Variants in TIAM1 observed in about 807,000 individuals in gnomAD.
The protein encoded by TIAM1 is TIAM Rac1 associated GEF 1, also known as rho guanine nucleotide exchange factor TIAM1.
A neutral mutation model predicts 163.5 loss-of-function variants in TIAM1; 65 were observed. The observed-to-expected ratio is 0.40, with a 90% confidence interval of 0.33 to 0.49. TIAM1 has a LOEUF of 0.49. Among genes scored for constraint, TIAM1 ranks in the 20% least tolerant of loss-of-function variants. TIAM1 has a pLI of 0.77. For synonymous variants in TIAM1, 833 were observed against 810.1 expected (o/e 1.03, Z -0.48); for missense variants, 1,789 against 2,044.7 (o/e 0.87, Z 2.41).
At chr21:31,124,489 CGGGAATCTT>C (rs768318634) in intron 27 of TIAM1, 24 bp downstream of exon 27, 19 of 1,609,608 alleles carry the variant, frequency 1.2e-5, no homozygotes, top group Non-Finnish European at 1.5e-5. Flanking sequence ...GTGGGGGTGA[CGGGAATCTT>C]GAACGTCCGA....
intron 2 of TIAM1, among the ~76,000 whole-genome samples, chr21:31,412,591 G>A (rs1172741875): frequency 6.6e-6 from 1 of 151,932 alleles, no homozygotes; most frequent in Non-Finnish European, 1.5e-5. Context: ...AGACCAACCT[G>A]GCCAACATGG....
chr21:31,445,532 CCAATT>C (rs2044591204), intron 2 of TIAM1, among the ~76,000 whole-genome samples: 1 of 152,100 alleles, frequency 6.6e-6, no homozygotes, highest in Non-Finnish European at 1.5e-5. Context: ...TCTATTAATT[CCAATT>C]AATAGGGACA....
At chr21:31,517,449 C>T (rs1490700506) in intron 1 of TIAM1, among the ~76,000 whole-genome samples, 1 of 152,236 alleles carries the variant, frequency 6.6e-6, no homozygotes, top group East Asian at 1.9e-4. Context: ...TATGATTACT[C>T]ATTGTGGAAG....
At chr21:31,364,786 G>C (rs1388587082) in intron 2 of TIAM1, among the ~76,000 whole-genome samples, 3 of 152,160 alleles carry the variant, frequency 2.0e-5, no homozygotes, top group Non-Finnish European at 4.4e-5. Flanking sequence ...GGTGTGTGTT[G>C]ATGGGGGAGG....
At chr21:31,315,192 G>A (rs901219512) in intron 2 of TIAM1, among the ~76,000 whole-genome samples, 6 of 152,022 alleles carry the variant, frequency 3.9e-5, no homozygotes, top group Admixed American at 2.0e-4. Context: ...CCAACATGGT[G>A]AAACTCCATC....
chr21:31,413,913 G>A (rs1017992537), intron 2 of TIAM1, among the ~76,000 whole-genome samples: 6 of 152,132 alleles, frequency 3.9e-5, no homozygotes, highest in African/African-American at 9.7e-5. Context: ...CTGGGGTTAC[G>A]TCACCTGCAC....
At chr21:31,216,468 G>A (rs115924874) in intron 9 of TIAM1, among the ~76,000 whole-genome samples, 13 of 152,078 alleles carry the variant, frequency 8.5e-5, no homozygotes, top group East Asian at 5.8e-4. Context: ...TTCTTCTTCC[G>A]AAAGACTACA....
chr21:31,274,166 G>A (rs1435973025), intron 3 of TIAM1, among the ~76,000 whole-genome samples: 4 of 152,076 alleles, frequency 2.6e-5, no homozygotes, highest in Admixed American at 1.3e-4. Flanking sequence ...AGTGAGCCAA[G>A]ATCGTGCCAC....
rs149554942 is a variant in TIAM1 at position 31,213,189 on chromosome 21, G to A, written c.2217+209C>T. On this transcript the variant is annotated intron_variant, in intron 10 of 27. Transcript: ENST00000541036. Reference sequence around the variant, plus strand: ...AAATGGTAAGTATGGGAAATGTTATGTCAGCAGGAGAATGTTCCCTCTACC... The same window carrying A: ...AAATGGTAAGTATGGGAAATGTTATATCAGCAGGAGAATGTTCCCTCTACC... 1.2e-4 allele frequency: 58 copies of A among 487,592 alleles called. 1 individual carries two copies. In the East Asian group the frequency reaches 2.1e-3, roughly 18 times the overall value. 30.2% of individuals were successfully genotyped at this position (487,592 alleles called of 1,614,324 possible).
chr21:31,505,906 G>T (rs1043611444), intron 1 of TIAM1, among the ~76,000 whole-genome samples: 1 of 151,400 alleles, frequency 6.6e-6, no homozygotes, highest in Admixed American at 6.6e-5. Context: ...CTACTTGGGA[G>T]GCTGAGGCAG....
At chr21:31,421,139 A>AG (rs540713224) in intron 2 of TIAM1, among the ~76,000 whole-genome samples, 238 of 150,954 alleles carry the variant, frequency 1.6e-3, no homozygotes, top group African/African-American at 5.4e-3. Context: ...TTAAAAAAAA[A>AG]AAAGAAAAGA....
At chr21:31,497,148 C>G (rs1212975745) in intron 1 of TIAM1, among the ~76,000 whole-genome samples, 4 of 152,176 alleles carry the variant, frequency 2.6e-5, no homozygotes, top group Non-Finnish European at 5.9e-5. Context: ...GGCTATCATC[C>G]AGCGTAGGTG....
intron 25 of TIAM1, among the ~76,000 whole-genome samples, chr21:31,127,985 C>G (rs2082274427): frequency 6.6e-6 from 1 of 152,120 alleles, no homozygotes; most frequent in African/African-American, 2.4e-5. Context: ...AATGGTATAT[C>G]AAGAAGGTAA....
At chr21:31,214,013 C>T (rs747256947) in intron 9 of TIAM1, among the ~76,000 whole-genome samples, 3 of 151,682 alleles carry the variant, frequency 2.0e-5, no homozygotes, top group Non-Finnish European at 4.4e-5. Context: ...GAGACCTTGT[C>T]CCAAAAAAAG....
At chr21:31,155,795 C>T (rs1231303012) in intron 16 of TIAM1, among the ~76,000 whole-genome samples, 1 of 152,240 alleles carries the variant, frequency 6.6e-6, no homozygotes, top group African/African-American at 2.4e-5. Flanking sequence ...GCCACCGCGC[C>T]CGGCCCCGGA....
At chr21:31,222,544 G>C (rs1158163992) in intron 8 of TIAM1, among the ~76,000 whole-genome samples, 1 of 151,502 alleles carries the variant, frequency 6.6e-6, no homozygotes, top group Non-Finnish European at 1.5e-5. Flanking sequence ...TTGCTCTAAT[G>C]CATCGGGTAT....
chr21:31,424,734 CTG>C (rs1261617179), intron 2 of TIAM1, among the ~76,000 whole-genome samples: 2 of 152,186 alleles, frequency 1.3e-5, no homozygotes, highest in Non-Finnish European at 2.9e-5. Context: ...TGTAAATTAA[CTG>C]TACTGAACTG....
intron 2 of TIAM1, among the ~76,000 whole-genome samples, chr21:31,391,660 G>C (rs949782272): frequency 1.3e-5 from 2 of 152,246 alleles, no homozygotes; most frequent in Admixed American, 1.3e-4. Context: ...AAGTCTATTT[G>C]TCAAGGTGGG....
Position 31,304,679 on chromosome 21 carries a change from G to A in TIAM1, c.-188-27771C>T, listed in dbSNP as rs574729401. Among the ~76,000 whole-genome samples, 3 of 152,238 alleles carry A rather than the reference G, an allele frequency of 2.0e-5. No individual in the cohort carries two copies. In the East Asian group the frequency reaches 5.8e-4, roughly 29 times the overall value. ...GATTAGAATATTGTATCATTGGTAT[G>A]TCTTGAATTTTTTATTTTTGAGACC... On this transcript the variant is annotated intron_variant, in intron 2 of 27. Transcript: ENST00000541036.
Sources: allele counts gnomAD v4.1 joint callset (sites outside exome capture counted in the v4.1 genomes callset), GRCh38; gene constraint gnomAD v4.1.1; transcripts MANE v1.5; gene names NCBI Gene and HGNC (gene_info 2026-07-23, HGNC 2026-07-21).